The following C6orf52 variants were observed in gnomAD, a reference collection of about 807,000 sequenced individuals.
C6orf52 encodes chromosome 6 open reading frame 52, also known as putative uncharacterized protein C6orf52.
In C6orf52, 16 loss-of-function variants were observed where a neutral mutation model predicts 16.6. The observed-to-expected ratio is 0.96, with a 90% confidence interval of 0.65 to 1.46. C6orf52 has a LOEUF of 1.46. C6orf52 is among the 40% of genes most tolerant of loss of function. C6orf52 has a pLI of 0.00. For synonymous variants in C6orf52, 53 were observed against 61.4 expected, an observed-to-expected ratio of 0.86 and a Z score of 0.64; for missense variants, 166 against 182.3, an observed-to-expected ratio of 0.91 and a Z score of 0.52.
At chr6:10,685,015 C>A in intron 3 of C6orf52, 1 of 555,216 alleles carries the variant, frequency 1.8e-6, no homozygotes, top group Non-Finnish European at 2.6e-6. Flanking sequence ...GATAAAAATC[C>A]CAGACTGTGC....
At chr6:10,685,420 CA>C (rs1427748053) in intron 3 of C6orf52, among the ~76,000 whole-genome samples, 2 of 151,866 alleles carry the variant, frequency 1.3e-5, no homozygotes, top group African/African-American at 2.4e-5. Context: ...ACACCTAAAA[CA>C]GACTTGAGAA....
At chr6:10,679,393 C>G (rs954696906) in intron 4 of C6orf52, among the ~76,000 whole-genome samples, 15 of 148,726 alleles carry the variant, frequency 1.0e-4, no homozygotes, top group Admixed American at 8.1e-4. Context: ...GAGCCGAGAT[C>G]ACGCCACTTT....
At chr6:10,685,367 A>G (rs1387137763) in intron 3 of C6orf52, among the ~76,000 whole-genome samples, 3 of 151,996 alleles carry the variant, frequency 2.0e-5, no homozygotes, top group African/African-American at 7.2e-5. Flanking sequence ...TAAAAGGGGG[A>G]AAAAATGACA....
upstream of C6orf52, chr6:10,694,620 C>G: frequency 1.5e-4 from 28 of 186,666 alleles, no homozygotes; most frequent in South Asian, 5.7e-4. Flanking sequence ...GGAAGTCGGC[C>G]CCACCTCCTC....
At chr6:10,692,345 T>C (rs1304809558) in intron 1 of C6orf52, among the ~76,000 whole-genome samples, 1 of 152,190 alleles carries the variant, frequency 6.6e-6, no homozygotes, top group Non-Finnish European at 1.5e-5. Flanking sequence ...AGTGGTTCTC[T>C]GGTGGAAACT....
At chr6:10,693,503 A>G (rs1034530691) in intron 1 of C6orf52, among the ~76,000 whole-genome samples, 1 of 152,228 alleles carries the variant, frequency 6.6e-6, no homozygotes, top group African/African-American at 2.4e-5. Flanking sequence ...AATTCAGAAC[A>G]CCAGAGAAGA....
intron 2 of C6orf52, 79 bp downstream of exon 2, chr6:10,687,401 A>G: frequency 1.8e-6 from 2 of 1,114,060 alleles, no homozygotes; most frequent in East Asian, 2.6e-5. Context: ...AAAAAGCCAT[A>G]GTTTGTAAGT....
At chr6:10,683,665 G>A (rs1413590596) in intron 3 of C6orf52, among the ~76,000 whole-genome samples, 1 of 152,184 alleles carries the variant, frequency 6.6e-6, no homozygotes, top group Non-Finnish European at 1.5e-5. Flanking sequence ...TTTTCTCATG[G>A]CCTTCTAATC....
Position 10,687,147 on chromosome 6 carries a change from C to G in C6orf52, c.89G>C (p.Arg30Thr), listed in dbSNP as rs200505624. 491 of 1,550,330 alleles carry G rather than the reference C, an allele frequency of 3.2e-4. 2 individuals are homozygous for G. The highest frequency in any genetic ancestry group is 1.7e-4 in the Middle Eastern group (1 of 5,842). ...CYWQSLPSAI[R>T]VKQEFQPSQS... ...GCTGGGCTGGAACTCCTGCTTCACTCTAATAGCAGAGGGGAGACTACAGGA... is the reference window on the plus strand; with the variant it reads ...GCTGGGCTGGAACTCCTGCTTCACTGTAATAGCAGAGGGGAGACTACAGGA... Residue 30 changes from arginine to threonine, a missense_variant, in exon 3 of 5, where the codon AGA (arginine) becomes ACA (threonine). Arg to Thr is a moderately conservative substitution (Grantham distance 71). Transcript: ENST00000259983.
At chr6:10,686,327 T>G (rs1768865800) in intron 3 of C6orf52, among the ~76,000 whole-genome samples, 1 of 152,108 alleles carries the variant, frequency 6.6e-6, no homozygotes. Context: ...TGAACCACAT[T>G]GATTTAGCAA....
chr6:10,688,750 G>A (rs1375663456), intron 1 of C6orf52, among the ~76,000 whole-genome samples: 1 of 152,198 alleles, frequency 6.6e-6, no homozygotes, highest in Non-Finnish European at 1.5e-5. Flanking sequence ...TTCACCAGTA[G>A]TATCCAGCAT....
chr6:10,683,314 A>G, intron 3 of C6orf52, 82 bp from the exon 4 acceptor site: 1 of 830,624 alleles, frequency 1.2e-6, no homozygotes, highest in Non-Finnish European at 1.9e-6. Context: ...GAAAAACTCT[A>G]GCTCTCAAAA....
At chr6:10,677,372 A>G (rs1767985893) in intron 4 of C6orf52, among the ~76,000 whole-genome samples, 1 of 150,854 alleles carries the variant, frequency 6.6e-6, no homozygotes, top group Non-Finnish European at 1.5e-5. Flanking sequence ...CCATTGGTTT[A>G]TGTGTCTGTT....
At chr6:10,681,385 T>C (rs1259222583) in intron 4 of C6orf52, among the ~76,000 whole-genome samples, 1 of 152,216 alleles carries the variant, frequency 6.6e-6, no homozygotes, top group Non-Finnish European at 1.5e-5. Flanking sequence ...AACCAACCCT[T>C]CATTTTGTTG....
At chr6:10,676,621 G>A (rs1199899929) in intron 4 of C6orf52, among the ~76,000 whole-genome samples, 1 of 152,188 alleles carries the variant, frequency 6.6e-6, no homozygotes, top group African/African-American at 2.4e-5. Flanking sequence ...ATAAGATCAG[G>A]GTAGGGCAAC....
rs553757604 is a variant in C6orf52 at position 10,673,534 on chromosome 6, G to T, written c.317-1936C>A. ...TGAAAGCAGAATGGTGGTTGCCAGG[G>T]GATGAGGGAAGGGAGAGTGAAGAGT... On this transcript the variant is annotated intron_variant, in intron 4 of 4. Coordinates refer to ENST00000259983, the MANE Select transcript of C6orf52 (RefSeq NM_001145020.3). Among the ~76,000 whole-genome samples, 6 of 152,312 alleles carry T rather than the reference G, an allele frequency of 3.9e-5. No individual in the cohort carries two copies. In the East Asian group the frequency reaches 7.7e-4, roughly 20 times the overall value.
At chr6:10,681,274 A>G (rs967790618) in intron 4 of C6orf52, among the ~76,000 whole-genome samples, 9 of 151,788 alleles carry the variant, frequency 5.9e-5, no homozygotes, top group Non-Finnish European at 1.2e-4. Flanking sequence ...ATTGTCTTTT[A>G]TGTTCCTTTG....
At chr6:10,681,786 T>C (rs1185402131) in intron 4 of C6orf52, among the ~76,000 whole-genome samples, 4 of 152,220 alleles carry the variant, frequency 2.6e-5, no homozygotes, top group Non-Finnish European at 4.4e-5. Context: ...CTCTATTATT[T>C]TGATAGAGGC....
intron 1 of C6orf52, among the ~76,000 whole-genome samples, chr6:10,691,270 C>A (rs1769273443): frequency 6.6e-6 from 1 of 152,144 alleles, no homozygotes; most frequent in Non-Finnish European, 1.5e-5. Flanking sequence ...GGGCTTTATT[C>A]GGCCGGGATC....
Sources: gnomAD v4.1 joint callset for allele counts (sites outside exome capture counted in the v4.1 genomes callset) on GRCh38, gnomAD v4.1.1 for gene constraint, MANE v1.5 for transcripts, NCBI Gene and HGNC (gene_info 2026-07-23, HGNC 2026-07-21) for gene names.